TIMELESS: variants seen among roughly 807,000 people sequenced by gnomAD.
TIMELESS encodes the protein protein timeless homolog.
A neutral mutation model predicts 164.3 loss-of-function variants in TIMELESS; 124 were observed. The ratio of observed to expected loss-of-function variants is 0.75; its 90% CI spans 0.65 to 0.88. The LOEUF (loss-of-function observed/expected upper bound fraction) is 0.88, where lower values mean the gene tolerates loss of function less well. TIMELESS is among the 40% of genes least tolerant of loss of function. TIMELESS has a pLI of 0.00. For synonymous variants in TIMELESS, 564 were observed against 563.4 expected (o/e 1.00, Z -0.02); for missense variants, 1,422 against 1,491.4 (o/e 0.95, Z 0.77).
Position 56,432,449 on chromosome 12 carries a change from G to A in TIMELESS, c.607C>T (p.Leu203Phe), listed in dbSNP as rs1264619933. The A allele has an allele frequency of 2.5e-6, 4 of 1,614,118 alleles. No homozygotes were observed. Among genetic ancestry groups the A allele is most frequent in the East Asian group, 4.5e-5 (2 of 44,898 alleles). The stretch of plus-strand genomic sequence containing the variant: ...TCAGCAGACGAGCTGGCCAGAAAGA[G>A]GAGCAGGTCATCCAGGCCGCTGAGG... ...IHLSGLDDLL[L>F]FLASSSAEEQ... The change falls in exon 7 of 29, where the codon CTC (leucine) becomes TTC (phenylalanine). Residue 203 changes from leucine to phenylalanine, a missense_variant. By Grantham distance (22) the Leu-to-Phe change is conservative. Transcript: ENST00000553532.
At chr12:56,441,637 TAAAC>T (rs1868275070) in intron 1 of TIMELESS, among the ~76,000 whole-genome samples, 1 of 146,334 alleles carries the variant, frequency 6.8e-6, no homozygotes, top group African/African-American at 2.5e-5. Context: ...AAAAGACAAA[TAAAC>T]AAAACAAACA....
chr12:56,432,597 C>G, intron 6 of TIMELESS, 73 bp from the exon 7 acceptor site: 1 of 1,557,022 alleles, frequency 6.4e-7, no homozygotes, highest in South Asian at 1.2e-5. Flanking sequence ...CTCTCCAACT[C>G]ATTCTTTGAC....
In TIMELESS at chr12:56,425,877, A is replaced by AAAT. The variant is rs1565681812; in HGVS notation, c.1579-726_1579-725insATT. ...GTAACAGAGCGAGACCCTGCTTAAA[A>AAAT]AAATAAATAAATAAATAAATAATTA... On this transcript the variant is annotated intron_variant, in intron 13 of 28. Coordinates refer to ENST00000553532, the MANE Select transcript of TIMELESS (RefSeq NM_003920.5). Among the ~76,000 whole-genome samples the AAAT allele has an allele frequency of 3.9e-3, 598 of 152,198 alleles. 3 individuals are homozygous for AAAT. Among genetic ancestry groups the AAAT allele is most frequent in the African/African-American group, 0.013 (553 of 41,512 alleles).
rs536977295 is a variant in TIMELESS at position 56,428,415 on chromosome 12, G to C, written c.1409-10C>G. The C allele has an allele frequency of 6.2e-7, 1 of 1,605,236 alleles. No homozygotes were observed. Among genetic ancestry groups the C allele is most frequent in the African/African-American group, 1.3e-5 (1 of 74,736 alleles). On this transcript the variant is annotated splice_polypyrimidine_tract_variant and intron_variant, in intron 12 of 28. Coordinates refer to ENST00000553532, the MANE Select transcript of TIMELESS (RefSeq NM_003920.5). ...ACATAGAAAATATTGTCTAGGAATG[G>C]GGAAGAGAAAGGGATGGAAGGGCTA...
chr12:56,420,987 G>A lies in TIMELESS; in HGVS notation c.3016C>T (p.Leu1006Phe), dbSNP rs371178529. Residue 1006 changes from leucine (L) to phenylalanine (F), a missense_variant, in exon 24 of 29, where the codon CTT becomes TTT. Leu to Phe is a conservative substitution (Grantham distance 22). Transcript: ENST00000553532. ...QGSLVLSNEN[L>F]GQSLHQEGFS... ...CCTTCCTGATGCAGGCTTTGACCAA[G>A]GTTTTCATTTGAAAGGACTAAGCTA... is the stretch of plus-strand genomic sequence containing the variant. The A allele has an allele frequency of 3.3e-5, 53 of 1,614,124 alleles. No individual in the cohort carries two copies. Among genetic ancestry groups the A allele is most frequent in the Non-Finnish European group, 4.5e-5 (53 of 1,180,028 alleles).
chr12:56,427,419 A>G (rs1262024318), intron 13 of TIMELESS, among the ~76,000 whole-genome samples: 3 of 152,188 alleles, frequency 2.0e-5, no homozygotes, highest in African/African-American at 7.2e-5. Flanking sequence ...CACTGTGCCC[A>G]GCCTGTCCTA....
rs781372283 is a variant in TIMELESS, at chr12:56,432,509, C to T, written c.547G>A (p.Ala183Thr). Residue 183 changes from alanine to threonine, a missense_variant, in exon 7 of 29, where the codon GCC (alanine) becomes ACC (threonine). Coordinates refer to ENST00000553532, the MANE Select transcript of TIMELESS (RefSeq NM_003920.5). ...CAGAGGAGCTGGTCATGGGCACTGG[C>T]GTCATCATCAATCTTCTGAGCAGTG... ...LDQEKKIDDD[A>T]SAHDQLLWAI... 27 of 1,613,794 alleles carry T rather than the reference C, an allele frequency of 1.7e-5. No homozygotes were observed. Among genetic ancestry groups the T allele is most frequent in the Non-Finnish European group, 1.9e-5 (23 of 1,179,950 alleles).
chr12:56,420,436 A>G, intron 26 of TIMELESS, 133 bp downstream of exon 26: 2 of 712,460 alleles, frequency 2.8e-6, no homozygotes, highest in South Asian at 3.6e-5. Flanking sequence ...TTGGTCAGAG[A>G]TGACAAGACA....
intron 1 of TIMELESS, among the ~76,000 whole-genome samples, chr12:56,437,780 T>C (rs1882119544): frequency 6.6e-6 from 1 of 152,198 alleles, no homozygotes; most frequent in Admixed American, 6.5e-5. Flanking sequence ...AGTGTCCTTA[T>C]GATGACCCCG....
At chr12:56,420,162 T>C (rs923475342) in intron 26 of TIMELESS, among the ~76,000 whole-genome samples, 6 of 150,708 alleles carry the variant, frequency 4.0e-5, no homozygotes, top group African/African-American at 1.5e-4. Context: ...ATAGGTATTA[T>C]ATGTAATCTA....
rs572653521 is a variant in TIMELESS at position 56,421,471 on chromosome 12, C to T, written c.2748G>A (p.Lys916=). The change falls in exon 23 of 29, where the codon AAG becomes AAA. Residue 916 remains lysine (K), a synonymous_variant. Coordinates refer to ENST00000553532, the MANE Select transcript of TIMELESS (RefSeq NM_003920.5). ...DSDDVLGHIM[K]NITAKRSRAR... ...CCCGTGAGCGTTTGGCTGTGATATT[C>T]TTCATGATATGACCCAGGACATCTA... 1.2e-6 allele frequency: 2 copies of T among 1,613,794 alleles called. No homozygotes were observed. Among genetic ancestry groups the T allele is most frequent in the East Asian group, 4.5e-5 (2 of 44,886 alleles).
At chr12:56,424,626 GC>G (rs1881611381) in intron 15 of TIMELESS, 135 bp downstream of exon 15, 2 of 991,532 alleles carry the variant, frequency 2.0e-6, no homozygotes, top group Non-Finnish European at 2.7e-6. Flanking sequence ...CAATCAAAAC[GC>G]CCCAGGAGTC....
At chr12:56,423,772 A>G (rs1592245755) in intron 16 of TIMELESS, 25 bp downstream of exon 16, 1 of 1,614,054 alleles carries the variant, frequency 6.2e-7, no homozygotes. Flanking sequence ...CTGGAAGGAG[A>G]CAGATGTGAA....
chr12:56,420,670 G>C lies in TIMELESS; in HGVS notation c.3127C>G (p.Pro1043Ala). The change falls in exon 26 of 29, where the codon CCA (proline) becomes GCA (alanine). Residue 1043 changes from proline (P) to alanine (A), a missense_variant. Transcript: ENST00000553532. ...REEDGCSQAVPLVPLTEENEE... is the reference protein window; with the variant it reads ...REEDGCSQAVALVPLTEENEE... ...TTTTCCTCTGTGAGTGGCACCAATG[G>C]AACGGCCTGGGAGCAGCCTAAGACA... 1 of 1,614,208 alleles carries C rather than the reference G, an allele frequency of 6.2e-7. No individual in the cohort carries two copies. Among genetic ancestry groups the C allele is most frequent in the Non-Finnish European group, 8.5e-7 (1 of 1,180,032 alleles).
At chr12:56,431,143 C>T (rs979375048) in intron 8 of TIMELESS, among the ~76,000 whole-genome samples, 175 bp from the exon 9 acceptor site, 5 of 145,472 alleles carry the variant, frequency 3.4e-5, no homozygotes, top group African/African-American at 9.8e-5. Flanking sequence ...CACCTGAGGT[C>T]GGGAGTTTGA....
chr12:56,424,642 G>T, intron 15 of TIMELESS, 120 bp downstream of exon 15: 2 of 1,237,090 alleles, frequency 1.6e-6, no homozygotes, highest in African/African-American at 1.5e-5. Context: ...GGAGTCAGTT[G>T]GTATACAGTC....
At position 56,421,779 on chromosome 12, in the gene TIMELESS, C is replaced by T. The variant is rs1392790181; in HGVS notation, c.2673G>A (p.Gly891=). The change falls in exon 22 of 29, where the codon GGG becomes GGA. Residue 891 remains glycine, a synonymous_variant. Coordinates refer to ENST00000553532, the MANE Select transcript of TIMELESS (RefSeq NM_003920.5). ...RKGTHIVLWT[G]DQELELQRLF... ...GCCGCTGCAGCTCCAACTCCTGATC[C>T]CCCGTCCACAGTACAATATGGGTTC... The T allele has an allele frequency of 1.2e-6, 2 of 1,614,160 alleles. No homozygotes were observed. The highest frequency in any genetic ancestry group is 8.5e-7 in the Non-Finnish European group (1 of 1,180,032).
In TIMELESS at chr12:56,447,523, G is replaced by A. The variant is rs566042101; in HGVS notation, c.-62+1787C>T. Among the ~76,000 whole-genome samples, 17 of 152,268 alleles carry A rather than the reference G, an allele frequency of 1.1e-4. No individual in the cohort carries two copies. In the East Asian group the frequency reaches 1.9e-3, roughly 17 times the overall value. Reference sequence around the variant, plus strand: ...GATGGTGTGAGTGCAGTGAGAGGAGGAAGGAAGCCAGGAAGGACTTCTTGA... The same window carrying A: ...GATGGTGTGAGTGCAGTGAGAGGAGAAAGGAAGCCAGGAAGGACTTCTTGA... On this transcript the variant is annotated intron_variant, in intron 1 of 28. Coordinates refer to ENST00000553532, the MANE Select transcript of TIMELESS (RefSeq NM_003920.5).
rs1216273816 is a variant in TIMELESS at position 56,417,701 on chromosome 12, AG to A, written c.*14del. On this transcript the variant is annotated 3_prime_UTR_variant, in exon 29 of 29. Coordinates refer to ENST00000553532, the MANE Select transcript of TIMELESS (RefSeq NM_003920.5). ...TAAAAACGTGTCTATCTCTACCCCT[AG>A]GCTTCTTAGCTCTTCAGTCATCCTC... is the stretch of plus-strand genomic sequence containing the variant. 1 of 1,613,824 alleles carries A rather than the reference AG, an allele frequency of 6.2e-7. No homozygotes were observed. Among genetic ancestry groups the A allele is most frequent in the Non-Finnish European group, 8.5e-7 (1 of 1,179,906 alleles).
Sources: gnomAD v4.1 joint callset for allele counts (sites outside exome capture counted in the v4.1 genomes callset) on GRCh38, gnomAD v4.1.1 for gene constraint, MANE v1.5 for transcripts, NCBI Gene and HGNC (gene_info 2026-07-23, HGNC 2026-07-21) for gene names.